GPATCH8: variants seen among roughly 807,000 people sequenced by gnomAD.
GPATCH8 encodes the protein G patch domain-containing protein 8.
A neutral mutation model predicts 118.3 loss-of-function variants in GPATCH8; 18 were observed. The observed-to-expected ratio is 0.15, with a 90% CI of 0.11 to 0.23. The LOEUF is 0.23. GPATCH8 is among the 10% of genes least tolerant of loss of function. The pLI is 1.00. For synonymous variants in GPATCH8, 659 were observed against 684.7 expected, an observed-to-expected ratio of 0.96 and a Z score of 0.59; for missense variants, 1,631 against 1,873.8, an observed-to-expected ratio of 0.87 and a Z score of 2.39.
intron 1 of GPATCH8, among the ~76,000 whole-genome samples, chr17:44,475,808 T>C (rs900147938): frequency 2.0e-5 from 3 of 152,104 alleles, no homozygotes; most frequent in Admixed American, 2.0e-4. Flanking sequence ...GGAAGATCAC[T>C]TGAGGACAAG....
intron 4 of GPATCH8, 101 bp downstream of exon 4, chr17:44,436,377 A>G (rs1160917294): frequency 2.7e-6 from 2 of 748,016 alleles, no homozygotes; most frequent in Non-Finnish European, 5.0e-6. Flanking sequence ...TTAAAACTAC[A>G]TTTCATCTGA....
At chr17:44,435,280 C>T in intron 4 of GPATCH8, 129 bp from the exon 5 acceptor site, 1 of 674,302 alleles carries the variant, frequency 1.5e-6, no homozygotes, top group South Asian at 1.6e-5. Flanking sequence ...TTAGCTACTG[C>T]TTGCTTTATT....
intron 3 of GPATCH8, among the ~76,000 whole-genome samples, chr17:44,458,766 T>C (rs573816836): frequency 3.9e-5 from 6 of 152,282 alleles, no homozygotes; most frequent in Admixed American, 1.3e-4. Context: ...TCAAGTGATC[T>C]TCCCACCTTG....
chr17:44,492,550 C>A (rs1030735761), intron 1 of GPATCH8, among the ~76,000 whole-genome samples: 1 of 150,894 alleles, frequency 6.6e-6, no homozygotes, highest in African/African-American at 2.4e-5. Context: ...CCAGCCTGGG[C>A]GACAGAGCAA....
intron 1 of GPATCH8, among the ~76,000 whole-genome samples, chr17:44,502,364 T>G (rs894807543): frequency 1.5e-4 from 23 of 150,578 alleles, no homozygotes; most frequent in Non-Finnish European, 3.0e-4. Context: ...GCAGTGTTTT[T>G]TTTTTTTTTT....
intron 3 of GPATCH8, among the ~76,000 whole-genome samples, chr17:44,454,540 G>A (rs995308268): frequency 6.6e-6 from 1 of 152,164 alleles, no homozygotes; most frequent in Non-Finnish European, 1.5e-5. Context: ...TATACAGCAT[G>A]CAAGTTTATC....
chr17:44,482,251 C>T (rs1438301586), intron 1 of GPATCH8, among the ~76,000 whole-genome samples: 3 of 151,998 alleles, frequency 2.0e-5, no homozygotes, highest in Admixed American at 6.6e-5. Flanking sequence ...GAAAGCATTA[C>T]GACAAATACC....
rs1323542358 is a variant in GPATCH8 at position 44,414,099 on chromosome 17, A to ATG, written c.493-8050_493-8049dup. Among the ~76,000 whole-genome samples, 729 of 131,846 alleles carry ATG rather than the reference A, an allele frequency of 5.5e-3. 11 individuals are homozygous for ATG. The highest frequency in any genetic ancestry group is 0.019 in the African/African-American group (679 of 35,636). The allele number at this position is 131,846 out of a possible 152,430, so 86.5% of individuals were successfully genotyped here. The stretch of plus-strand genomic sequence containing the variant: ...TATATATGTGTGTGTATATATATAT[A>ATG]TGTGTGTATATATATATGTATATAT... On this transcript the variant is annotated intron_variant, in intron 6 of 7. Coordinates refer to ENST00000591680, the MANE Select transcript of GPATCH8 (RefSeq NM_001002909.4).
chr17:44,426,355 C>G (rs1015132552), intron 5 of GPATCH8, among the ~76,000 whole-genome samples: 7 of 152,208 alleles, frequency 4.6e-5, no homozygotes, highest in Non-Finnish European at 8.8e-5. Context: ...GTAATCCCAG[C>G]ACTTTGGGAG....
At chr17:44,455,502 A>G (rs2051296250) in intron 3 of GPATCH8, among the ~76,000 whole-genome samples, 3 of 150,262 alleles carry the variant, frequency 2.0e-5, no homozygotes, top group Admixed American at 2.0e-4. Context: ...CTCTATCTCA[A>G]AAAAAAAAAA....
chr17:44,405,872 T>A, intron 7 of GPATCH8, 49 bp downstream of exon 7: 1 of 1,304,900 alleles, frequency 7.7e-7, no homozygotes, highest in South Asian at 1.3e-5. Flanking sequence ...ATTTAAAATT[T>A]TAAGGATTAT....
chr17:44,430,073 G>GACCC (rs956671508), intron 5 of GPATCH8, among the ~76,000 whole-genome samples: 3 of 148,574 alleles, frequency 2.0e-5, no homozygotes, highest in African/African-American at 7.5e-5. Flanking sequence ...CCAACTCACC[G>GACCC]ACCCACCCAC....
intron 1 of GPATCH8, among the ~76,000 whole-genome samples, chr17:44,499,652 C>T (rs1969915837): frequency 6.6e-6 from 1 of 152,148 alleles, no homozygotes; most frequent in South Asian, 2.1e-4. Flanking sequence ...AGCTGTACAT[C>T]ACTGTACAAA....
intron 6 of GPATCH8, among the ~76,000 whole-genome samples, chr17:44,414,888 T>G (rs2049617341): frequency 6.6e-6 from 1 of 152,236 alleles, no homozygotes; most frequent in African/African-American, 2.4e-5. Context: ...TCAAGATTCA[T>G]GCATGTTGTA....
chr17:44,450,036 A>T (rs529007950), intron 3 of GPATCH8, among the ~76,000 whole-genome samples: 1 of 152,338 alleles, frequency 6.6e-6, no homozygotes, highest in South Asian at 2.1e-4. Flanking sequence ...TATAAAACAT[A>T]TAGCCATATT....
chr17:44,484,839 CTCTG>C (rs1178020836), intron 1 of GPATCH8, among the ~76,000 whole-genome samples: 7 of 152,174 alleles, frequency 4.6e-5, no homozygotes, highest in East Asian at 1.9e-4. Flanking sequence ...TAGTGGGACC[CTCTG>C]TCTAACTTTT....
At chr17:44,420,906 C>A (rs942202759) in intron 6 of GPATCH8, among the ~76,000 whole-genome samples, 2 of 152,088 alleles carry the variant, frequency 1.3e-5, no homozygotes, top group Non-Finnish European at 2.9e-5. Context: ...GTCACTTAGG[C>A]TGGAGTGCAG....
intron 6 of GPATCH8, among the ~76,000 whole-genome samples, chr17:44,414,334 GT>G (rs955115881): frequency 1.3e-5 from 2 of 151,740 alleles, no homozygotes; most frequent in African/African-American, 4.8e-5. Flanking sequence ...TGGAGACAGG[GT>G]TTTGCTTTGT....
intron 3 of GPATCH8, among the ~76,000 whole-genome samples, chr17:44,443,632 A>G (rs922414689): frequency 7.2e-5 from 11 of 152,180 alleles, no homozygotes; most frequent in Admixed American, 3.3e-4. Context: ...TGGCCTTTTT[A>G]GTGACCTATA....
Sources: gnomAD v4.1 joint callset for allele counts (sites outside exome capture counted in the v4.1 genomes callset) on GRCh38, gnomAD v4.1.1 for gene constraint, MANE v1.5 for transcripts, NCBI Gene and HGNC (gene_info 2026-07-23, HGNC 2026-07-21) for gene names.